Variants in GFRA3 observed in about 807,000 individuals in gnomAD.
GFRA3 encodes the protein GDNF family receptor alpha-3.
Under a neutral mutation model 40.0 loss-of-function variants are expected in GFRA3, and 24 were observed. The observed-to-expected ratio is 0.60, with a 90% CI of 0.43 to 0.84. GFRA3 has a LOEUF of 0.84. GFRA3 is among the 40% of genes least tolerant of loss of function. The pLI is 0.00. For synonymous variants in GFRA3, 203 were observed against 213.5 expected (o/e 0.95, Z 0.43); for missense variants, 405 against 530.6 (o/e 0.76, Z 2.33).
chr5:138,255,814 C>A (rs1027143036), intron 4 of GFRA3, among the ~76,000 whole-genome samples: 17 of 151,292 alleles, frequency 1.1e-4, no homozygotes, highest in African/African-American at 4.1e-4. Flanking sequence ...GCTGGAGAAT[C>A]GCTTGAACCC....
chr5:138,267,325 G>A (rs1755801147), intron 1 of GFRA3: 1 of 151,816 alleles, frequency 6.6e-6, no homozygotes, highest in African/African-American at 2.4e-5. Context: ...CCAAGTAGCT[G>A]GGATTACAGG....
chr5:138,265,013 G>A (rs1755763377), intron 1 of GFRA3, among the ~76,000 whole-genome samples: 1 of 152,082 alleles, frequency 6.6e-6, no homozygotes, highest in South Asian at 2.1e-4. Context: ...GGTGGAAACT[G>A]GCTGGGGTTG....
At chr5:138,264,605 A>T in intron 1 of GFRA3, 57 bp from the exon 2 acceptor site, 1 of 1,209,958 alleles carries the variant, frequency 8.3e-7, no homozygotes, top group East Asian at 2.4e-5. Flanking sequence ...GTCTGGGAAT[A>T]CCAAGTCATG....
rs985314436 is a variant in GFRA3 at position 138,274,500 on chromosome 5, G to A, written c.-76C>T. ...CTCTGAGAGCGGGGCTCCCTCGACCGGCACCTCCCGCCCCCGCCTCCCGCC... is the reference window on the plus strand; with the variant it reads ...CTCTGAGAGCGGGGCTCCCTCGACCAGCACCTCCCGCCCCCGCCTCCCGCC... On this transcript the variant is annotated 5_prime_UTR_variant, in exon 1 of 8. Coordinates refer to ENST00000274721, the MANE Select transcript of GFRA3 (RefSeq NM_001496.4). 1.6e-6 allele frequency: 2 copies of A among 1,240,946 alleles called. No individual in the cohort carries two copies. The highest frequency in any genetic ancestry group is 2.0e-6 in the Non-Finnish European group (2 of 991,950). The allele number at this position is 1,240,946 out of a possible 1,614,324, so 76.9% of individuals were successfully genotyped here. A position where few individuals can be genotyped will look rare whatever the true frequency, so the allele number is the denominator to read the frequency against.
chr5:138,263,626 C>T (rs1182483592), intron 2 of GFRA3, among the ~76,000 whole-genome samples: 1 of 152,186 alleles, frequency 6.6e-6, no homozygotes, highest in Non-Finnish European at 1.5e-5. Flanking sequence ...AGGGAACATC[C>T]CAGACAGAGG....
chr5:138,272,523 G>A (rs1472434300), intron 1 of GFRA3, among the ~76,000 whole-genome samples: 2 of 150,454 alleles, frequency 1.3e-5, no homozygotes, highest in Non-Finnish European at 3.0e-5. Flanking sequence ...CACTACTACA[G>A]TCCCAGCTAC....
chr5:138,259,642 A>G lies in GFRA3; in HGVS notation c.387T>C (p.Tyr129=). 1 of 1,410,732 alleles carries G rather than the reference A, an allele frequency of 7.1e-7. No individual in the cohort carries two copies. The highest frequency in any genetic ancestry group is 1.8e-4 in the Middle Eastern group (1 of 5,688). The allele number at this position is 1,410,732 out of a possible 1,614,324, so 87.4% of individuals were successfully genotyped here. A position where few individuals can be genotyped will look rare whatever the true frequency, so the allele number is the denominator to read the frequency against. Residue 129 remains tyrosine (Y), a synonymous_variant, in exon 3 of 8, where the codon TAT becomes TAC. Transcript: ENST00000274721. ...TVHRARSLGN[Y]ELDVSPYEDT... is the part of the protein sequence containing the mutation. ...CTTCATAGGGGGAGACATCCAGCTC[A>G]TAGTTACCTAGAGACAAGGTGGGGA...
intron 3 of GFRA3, 108 bp downstream of exon 3, chr5:138,259,449 C>G (rs1035661966): frequency 1.2e-5 from 9 of 721,654 alleles, no homozygotes; most frequent in Non-Finnish European, 2.1e-5. Context: ...ACCTGGTAGG[C>G]TAGAAACATT....
chr5:138,264,797 C>G (rs894293390), intron 1 of GFRA3, among the ~76,000 whole-genome samples: 1 of 152,130 alleles, frequency 6.6e-6, no homozygotes, highest in African/African-American at 2.4e-5. Flanking sequence ...AGAGGCTGCT[C>G]AGCCTTCAGG....
At chr5:138,269,706 G>A (rs757727433) in intron 1 of GFRA3, among the ~76,000 whole-genome samples, 6 of 151,390 alleles carry the variant, frequency 4.0e-5, no homozygotes, top group Non-Finnish European at 5.9e-5. Context: ...AGCTGGGCGT[G>A]GTGGCGTGTG....
At chr5:138,265,757 C>T (rs540777368) in intron 1 of GFRA3, among the ~76,000 whole-genome samples, 5 of 152,208 alleles carry the variant, frequency 3.3e-5, no homozygotes, top group South Asian at 2.1e-4. Flanking sequence ...TGCAGTGGCA[C>T]GATCACAGCT....
At chr5:138,262,454 C>CATTCATTT in intron 2 of GFRA3, among the ~76,000 whole-genome samples, 1 of 152,162 alleles carries the variant, frequency 6.6e-6, no homozygotes, top group South Asian at 2.1e-4. Flanking sequence ...CCCATTCATT[C>CATTCATTT]ATTCATTTAT....
At position 138,259,478 on chromosome 5, in the gene GFRA3, A is replaced by G. The variant is rs959991567; in HGVS notation, c.472+79T>C. ...AAACATTTCCCTTATAAGCTCCCCA[A>G]CTTCTGCCCCTCCCCAGCCACCCTT... On this transcript the variant is annotated intron_variant, in intron 3 of 7. Transcript: ENST00000274721. The G allele has an allele frequency of 1.3e-5, 10 of 779,476 alleles. No individual in the cohort carries two copies. In the African/African-American group the frequency reaches 1.5e-4, roughly 12 times the overall value. 48.3% of individuals were successfully genotyped at this position (779,476 alleles called of 1,614,324 possible).
chr5:138,252,776 A>T lies in GFRA3; in HGVS notation c.*192T>A. ...TGGCCACCAAGGAGGGGCAGCATGA[A>T]TCAGAAGTGGAGATGGGGTGGAGGG... On this transcript the variant is annotated 3_prime_UTR_variant, in exon 8 of 8. Coordinates refer to ENST00000274721, the MANE Select transcript of GFRA3 (RefSeq NM_001496.4). The T allele has an allele frequency of 2.0e-6, 1 of 494,504 alleles. No homozygotes were observed. The highest frequency in any genetic ancestry group is 3.1e-5 in the South Asian group (1 of 32,264). The allele number at this position is 494,504 out of a possible 1,614,324, so 30.6% of individuals were successfully genotyped here.
intron 4 of GFRA3, 133 bp downstream of exon 4, chr5:138,257,506 T>C (rs1362099543): frequency 1.2e-5 from 8 of 652,588 alleles, no homozygotes; most frequent in Admixed American, 1.0e-4. Context: ...ATATCCAAGG[T>C]AGCTACTTCG....
chr5:138,258,007 A>C, intron 3 of GFRA3, 56 bp from the exon 4 acceptor site: 1 of 1,409,482 alleles, frequency 7.1e-7, no homozygotes, highest in Non-Finnish European at 1.0e-6. Flanking sequence ...CCTGCACCCC[A>C]GGTTCCACAG....
At chr5:138,274,086 G>T (rs1348347137) in intron 1 of GFRA3, among the ~76,000 whole-genome samples, 1 of 152,206 alleles carries the variant, frequency 6.6e-6, no homozygotes, top group Non-Finnish European at 1.5e-5. Flanking sequence ...GGGGGAAAAA[G>T]GGGCGAGGAG....
chr5:138,261,693 CAAA>C (rs70979598), intron 2 of GFRA3, among the ~76,000 whole-genome samples: 27 of 46,372 alleles, frequency 5.8e-4, no homozygotes, highest in African/African-American at 2.2e-3. Flanking sequence ...GACTCTGTCT[CAAA>C]AAAAAAAAAA....
chr5:138,260,862 T>C (rs960578383), intron 2 of GFRA3, among the ~76,000 whole-genome samples: 1 of 150,588 alleles, frequency 6.6e-6, no homozygotes, highest in African/African-American at 2.4e-5. Context: ...ACTTCATCTC[T>C]ACAAAAAATT....
Sources: allele counts gnomAD v4.1 joint callset (sites outside exome capture counted in the v4.1 genomes callset), GRCh38; gene constraint gnomAD v4.1.1; transcripts MANE v1.5; gene names NCBI Gene and HGNC (gene_info 2026-07-23, HGNC 2026-07-21).